Variants in WDFY1 observed in about 807,000 individuals in gnomAD.
WDFY1 encodes WD repeat and FYVE domain containing 1, also known as WD repeat and FYVE domain-containing protein 1.
In WDFY1, 32 loss-of-function variants were observed where a neutral mutation model predicts 56.4. That is an observed-to-expected ratio of 0.57 (90% confidence interval 0.43 to 0.76). The LOEUF (loss-of-function observed/expected upper bound fraction) is 0.76. Ranked by LOEUF, WDFY1 falls within the 30% of genes least tolerant of loss-of-function variation. WDFY1 has a pLI of 0.00. For synonymous variants in WDFY1, 192 were observed against 197.3 expected (o/e 0.97, Z 0.23); for missense variants, 480 against 545.7 (o/e 0.88, Z 1.20).
intron 3 of WDFY1, among the ~76,000 whole-genome samples, chr2:223,911,306 C>T (rs749464969): frequency 6.6e-6 from 1 of 151,572 alleles, no homozygotes; most frequent in African/African-American, 2.4e-5. Flanking sequence ...TGAAAATATT[C>T]TGGAATTAGA....
At chr2:223,934,744 C>A (rs915112744) in intron 1 of WDFY1, among the ~76,000 whole-genome samples, 2 of 152,198 alleles carry the variant, frequency 1.3e-5, no homozygotes, top group Admixed American at 6.5e-5. Flanking sequence ...TGGTCTCCAA[C>A]TCCTGACCTC....
At chr2:223,879,981 G>T in intron 11 of WDFY1, 143 bp downstream of exon 11, 1 of 726,452 alleles carries the variant, frequency 1.4e-6, no homozygotes, top group Non-Finnish European at 2.4e-6. Flanking sequence ...TCAGAGGCAA[G>T]CAATTTGTTA....
At chr2:223,910,153 G>A (rs630651) in intron 3 of WDFY1, among the ~76,000 whole-genome samples, 130,986 of 151,590 alleles carry the variant, frequency 0.86, 57,060 homozygotes, top group Non-Finnish European at 0.93. Context: ...TTAAATGGGG[G>A]AAAAAAAATA....
chr2:223,897,924 A>C (rs1693425828), intron 6 of WDFY1, among the ~76,000 whole-genome samples: 2 of 151,946 alleles, frequency 1.3e-5, no homozygotes, highest in Admixed American at 1.3e-4. Context: ...TAAGCTTCCT[A>C]AGGCCCTCAC....
intron 11 of WDFY1, among the ~76,000 whole-genome samples, chr2:223,879,573 T>C (rs544279373): frequency 5.9e-5 from 9 of 152,036 alleles, no homozygotes; most frequent in East Asian, 1.9e-4. Context: ...GGTGGGAAGA[T>C]TGCTTGAGCC....
At chr2:223,883,515 C>T (rs1693111122) in intron 9 of WDFY1, among the ~76,000 whole-genome samples, 1 of 152,190 alleles carries the variant, frequency 6.6e-6, no homozygotes, top group Admixed American at 6.5e-5. Context: ...TGGCTAATGA[C>T]AGACAGAACT....
chr2:223,887,230 C>T (rs181074352), intron 8 of WDFY1, among the ~76,000 whole-genome samples: 1 of 152,172 alleles, frequency 6.6e-6, no homozygotes, highest in Non-Finnish European at 1.5e-5. Context: ...CTAAGAGAGA[C>T]ACAGCAGGCT....
At chr2:223,942,977 T>A (rs556781529) in intron 1 of WDFY1, among the ~76,000 whole-genome samples, 1 of 149,910 alleles carries the variant, frequency 6.7e-6, no homozygotes, top group East Asian at 2.1e-4. Context: ...GGTCAGGAGA[T>A]CGAGACCATC....
At chr2:223,929,195 T>TGTTTTTG (rs1553538014) in intron 1 of WDFY1, among the ~76,000 whole-genome samples, 1 of 144,930 alleles carries the variant, frequency 6.9e-6, no homozygotes, top group Non-Finnish European at 1.5e-5. Context: ...TTTTGTTTTT[T>TGTTTTTG]TTTTTTTTTG....
At chr2:223,930,401 C>G (rs1013202553) in intron 1 of WDFY1, among the ~76,000 whole-genome samples, 4 of 152,220 alleles carry the variant, frequency 2.6e-5, no homozygotes, top group Admixed American at 2.0e-4. Flanking sequence ...TTGATCTCGG[C>G]TCACTGCAAC....
At chr2:223,940,091 C>G (rs566339503) in intron 1 of WDFY1, among the ~76,000 whole-genome samples, 6 of 152,258 alleles carry the variant, frequency 3.9e-5, no homozygotes, top group Admixed American at 3.3e-4. Flanking sequence ...GAGGCCGAGG[C>G]GGGTGGATCA....
chr2:223,894,118 A>G (rs1693321883), intron 8 of WDFY1, 116 bp downstream of exon 8: 3 of 916,864 alleles, frequency 3.3e-6, no homozygotes, highest in Non-Finnish European at 5.1e-6. Context: ...CAGAAGGGGA[A>G]GCTGGGACTG....
rs1271902461 is a variant in WDFY1, at chr2:223,905,977, T to C, written c.304A>G (p.Asn102Asp). The change falls in exon 4 of 12, where the codon AAT (asparagine) becomes GAT (aspartate). Residue 102 changes from asparagine to aspartate, a missense_variant. Physicochemically the swap from Asn to Asp is conservative, Grantham distance 23 (BLOSUM62 1). Transcript: ENST00000233055. ...VMEFHVSEDFNKMNFIKTYPA... is the reference protein window; with the variant it reads ...VMEFHVSEDFDKMNFIKTYPA... ...TAGGTCTTGATAAAGTTCATTTTAT[T>C]AAAATCTTCAGAAACGTGAAATTCC... 2 of 1,581,748 alleles carry C rather than the reference T, an allele frequency of 1.3e-6. No homozygotes were observed. Among genetic ancestry groups the C allele is most frequent in the Admixed American group, 3.8e-5 (2 of 52,834 alleles).
intron 8 of WDFY1, among the ~76,000 whole-genome samples, chr2:223,886,191 T>C (rs374186015): frequency 2.7e-5 from 4 of 150,196 alleles, no homozygotes; most frequent in African/African-American, 9.8e-5. Flanking sequence ...ATACAAAAAT[T>C]AGCCGGGTGT....
intron 7 of WDFY1, 60 bp from the exon 8 acceptor site, chr2:223,894,399 TC>T (rs1693326955): frequency 6.5e-7 from 1 of 1,549,136 alleles, no homozygotes; most frequent in Non-Finnish European, 8.9e-7. Context: ...GGAACTGTCT[TC>T]ATTTAGGCTC....
intron 8 of WDFY1, among the ~76,000 whole-genome samples, chr2:223,889,028 C>T (rs1020049707): frequency 2.6e-5 from 4 of 151,112 alleles, no homozygotes; most frequent in African/African-American, 9.7e-5. Context: ...CTCAGCCTCC[C>T]AAGTAGCTGA....
chr2:223,908,280 G>A (rs926948260), intron 3 of WDFY1, among the ~76,000 whole-genome samples: 2 of 152,118 alleles, frequency 1.3e-5, no homozygotes, highest in Non-Finnish European at 1.5e-5. Flanking sequence ...GACCACTCTG[G>A]TTACCCTCAG....
Position 223,945,328 on chromosome 2 carries a change from C to G in WDFY1, c.-44G>C, listed in dbSNP as rs764425838. On this transcript the variant is annotated 5_prime_UTR_variant, in exon 1 of 12. Transcript: ENST00000233055. The stretch of plus-strand genomic sequence containing the variant: ...GCGGCCTCCTCGGCAGGCAGCCCAT[C>G]AGCTGACGCCTGGGCGGGCGGGGGA... 6 of 1,516,888 alleles carry G rather than the reference C, an allele frequency of 4.0e-6. No individual in the cohort carries two copies. In the African/African-American group the frequency reaches 7.2e-5, roughly 18 times the overall value. 94.0% of individuals were successfully genotyped at this position (1,516,888 alleles called of 1,614,324 possible).
At chr2:223,887,715 C>T (rs878882306) in intron 8 of WDFY1, among the ~76,000 whole-genome samples, 3 of 152,144 alleles carry the variant, frequency 2.0e-5, no homozygotes, top group African/African-American at 7.2e-5. Context: ...AGAAATCTCG[C>T]TCTCAACCAA....
Sources: gnomAD v4.1 joint callset for allele counts (sites outside exome capture counted in the v4.1 genomes callset) on GRCh38, gnomAD v4.1.1 for gene constraint, MANE v1.5 for transcripts, NCBI Gene and HGNC (gene_info 2026-07-23, HGNC 2026-07-21) for gene names.